The following CNTNAP3B variants were observed in gnomAD, a reference collection of about 807,000 sequenced individuals.
The protein encoded by CNTNAP3B is contactin-associated protein-like 3B.
CNTNAP3B carries 25 observed loss-of-function variants against 108.9 expected under a neutral mutation model. The ratio of observed to expected loss-of-function variants is 0.23; its 90% CI spans 0.17 to 0.32. CNTNAP3B has a LOEUF of 0.32. CNTNAP3B is among the 10% of genes least tolerant of loss of function. CNTNAP3B has a pLI of 1.00. For missense variants in CNTNAP3B, 252 were observed against 1,210.4 expected (o/e 0.21, Z 11.75); for synonymous variants, 103 against 473.4 (o/e 0.22, Z 10.16).
chr9:42,113,366 A>G (rs1463534472), intron 1 of CNTNAP3B, among the ~76,000 whole-genome samples: 1 of 138,930 alleles, frequency 7.2e-6, no homozygotes, highest in Non-Finnish European at 1.5e-5. Context: ...GTTAAATTAT[A>G]CTTCTGTGAT....
At chr9:41,935,209 G>T (rs1824119857) in intron 14 of CNTNAP3B, among the ~76,000 whole-genome samples, 1 of 152,282 alleles carries the variant, frequency 6.6e-6, no homozygotes, top group Non-Finnish European at 1.5e-5. Flanking sequence ...TATTCTTACT[G>T]TGCCTGAGGA....
intron 14 of CNTNAP3B, among the ~76,000 whole-genome samples, chr9:41,937,039 G>T (rs1824178508): frequency 6.6e-6 from 1 of 151,246 alleles, no homozygotes; most frequent in African/African-American, 2.4e-5. Context: ...TCAAATTACT[G>T]CTTAGATTAG....
At chr9:42,058,127 CA>C (rs1345335614) in intron 3 of CNTNAP3B, among the ~76,000 whole-genome samples, 1 of 140,944 alleles carries the variant, frequency 7.1e-6, no homozygotes, top group Non-Finnish European at 1.5e-5. Flanking sequence ...ATGGACACTT[CA>C]GTTGATTCCA....
intron 3 of CNTNAP3B, among the ~76,000 whole-genome samples, chr9:42,018,647 G>C (rs1043969935): frequency 6.6e-6 from 1 of 151,634 alleles, no homozygotes; most frequent in African/African-American, 2.4e-5. Context: ...GTGAGGCCAC[G>C]GCTCCAGCAG....
rs1412694487 is a variant in CNTNAP3B at position 42,116,327 on chromosome 9, G to A, written c.86-11588C>T. ...CCATCAGACTAACAGCGGATCTCTC[G>A]GCAGAAACTCTACAAGCCAGAAGAG... On this transcript the variant is annotated intron_variant, in intron 1 of 23. Transcript: ENST00000377561. Among the ~76,000 whole-genome samples, 44 of 129,096 alleles carry A rather than the reference G, an allele frequency of 3.4e-4. 8 individuals are homozygous for A. Among genetic ancestry groups the A allele is most frequent in the African/African-American group, 9.3e-4 (29 of 31,336 alleles). The allele number at this position is 129,096 out of a possible 152,430, so 84.7% of individuals were successfully genotyped here. A position where few individuals can be genotyped will look rare whatever the true frequency, so the allele number is the denominator to read the frequency against.
intron 3 of CNTNAP3B, among the ~76,000 whole-genome samples, chr9:42,029,532 C>CTT (rs1190604260): frequency 5.2e-5 from 6 of 114,488 alleles, no homozygotes; most frequent in Admixed American, 1.7e-4. Flanking sequence ...CATATACATT[C>CTT]TTTTTTTTTT....
chr9:41,956,161 C>A (rs201044602), intron 12 of CNTNAP3B, among the ~76,000 whole-genome samples: 2 of 152,160 alleles, frequency 1.3e-5, no homozygotes, highest in East Asian at 3.9e-4. Flanking sequence ...CCGAGGCAGG[C>A]GGATTACGAG....
rs1278961832 is a variant in CNTNAP3B at position 42,117,574 on chromosome 9, G to A, written c.85+11436C>T. ...ACTAAATGCCCACAAAAGAAAGCAG[G>A]AAAGATCTAAAATTGACACCCTAAC... On this transcript the variant is annotated intron_variant, in intron 1 of 23. Transcript: ENST00000377561. Among the ~76,000 whole-genome samples the A allele has an allele frequency of 5.0e-5, 7 of 139,244 alleles. 2 individuals are homozygous for A. Among genetic ancestry groups the A allele is most frequent in the African/African-American group, 1.1e-4 (4 of 35,134 alleles). The allele number at this position is 139,244 out of a possible 152,430, so 91.3% of individuals were successfully genotyped here. A position where few individuals can be genotyped will look rare whatever the true frequency, so the allele number is the denominator to read the frequency against.
intron 2 of CNTNAP3B, among the ~76,000 whole-genome samples, chr9:42,078,561 C>A (rs1477531786): frequency 7.3e-6 from 1 of 137,804 alleles, no homozygotes; most frequent in Non-Finnish European, 1.6e-5. Context: ...ATCTAGTAGA[C>A]AAGATGGAAA....
At chr9:41,942,068 C>T in intron 13 of CNTNAP3B, among the ~76,000 whole-genome samples, 1 of 152,284 alleles carries the variant, frequency 6.6e-6, no homozygotes, top group Non-Finnish European at 1.5e-5. Flanking sequence ...CAGAACCAGC[C>T]CCCTCTACCC....
chr9:41,972,507 T>G (rs1825438811), intron 9 of CNTNAP3B, among the ~76,000 whole-genome samples: 1 of 138,226 alleles, frequency 7.2e-6, no homozygotes, highest in Non-Finnish European at 1.5e-5. Context: ...GATTTCCATT[T>G]TAATAACTGA....
intron 11 of CNTNAP3B, among the ~76,000 whole-genome samples, chr9:41,963,728 G>C (rs1390594628): frequency 1.3e-5 from 2 of 151,316 alleles, no homozygotes; most frequent in Admixed American, 6.6e-5. Flanking sequence ...CACCAATCAG[G>C]CATCCTGGAG....
intron 12 of CNTNAP3B, among the ~76,000 whole-genome samples, chr9:41,958,226 G>A (rs188242629): frequency 1.3e-5 from 2 of 152,284 alleles, no homozygotes; most frequent in East Asian, 1.9e-4. Flanking sequence ...TCCCACCTCA[G>A]CCTCCCAAGT....
chr9:41,927,595 G>T (rs1288990718), intron 15 of CNTNAP3B, among the ~76,000 whole-genome samples: 1 of 150,648 alleles, frequency 6.6e-6, no homozygotes, highest in Non-Finnish European at 1.5e-5. Flanking sequence ...GATGGAGGAA[G>T]GAAATTAAGA....
At position 42,116,707 on chromosome 9, in the gene CNTNAP3B, C is replaced by T. The variant is rs1395286044; in HGVS notation, c.86-11968G>A. Reference sequence around the variant, plus strand: ...TTAAATGTAAATAGGCTAAATCCTCCAATTAAAAGACACAGAGTGGCAAAT... The same window carrying T: ...TTAAATGTAAATAGGCTAAATCCTCTAATTAAAAGACACAGAGTGGCAAAT... On this transcript the variant is annotated intron_variant, in intron 1 of 23. Transcript: ENST00000377561. Among the ~76,000 whole-genome samples the T allele has an allele frequency of 1.1e-4, 15 of 139,616 alleles. 4 individuals are homozygous for T. Among genetic ancestry groups the T allele is most frequent in the Admixed American group, 1.1e-3 (15 of 14,020 alleles). The allele number at this position is 139,616 out of a possible 152,430, so 91.6% of individuals were successfully genotyped here. A position where few individuals can be genotyped will look rare whatever the true frequency, so the allele number is the denominator to read the frequency against.
chr9:42,111,491 G>A lies in CNTNAP3B; in HGVS notation c.86-6752C>T, dbSNP rs1403613522. Among the ~76,000 whole-genome samples the A allele has an allele frequency of 3.6e-5, 5 of 138,492 alleles. 1 individual carries two copies. The highest frequency in any genetic ancestry group is 7.7e-5 in the Non-Finnish European group (5 of 64,750). 90.9% of individuals were successfully genotyped at this position (138,492 alleles called of 152,430 possible). ...TAAGCTGGTAAACGGTATGCCTGAA[G>A]CTAAGGCATAGACAGAGCTGCCCAA... On this transcript the variant is annotated intron_variant, in intron 1 of 23. Transcript: ENST00000377561.
chr9:41,955,012 G>GT (rs1313053503), intron 12 of CNTNAP3B, among the ~76,000 whole-genome samples: 1 of 151,214 alleles, frequency 6.6e-6, no homozygotes, highest in Non-Finnish European at 1.5e-5. Context: ...ACAACCTGGT[G>GT]TTACTCTGTG....
intron 13 of CNTNAP3B, among the ~76,000 whole-genome samples, chr9:41,945,962 G>T (rs878931384): frequency 6.6e-6 from 1 of 152,252 alleles, no homozygotes; most frequent in Non-Finnish European, 1.5e-5. Context: ...AAAGCCAACT[G>T]CAGAGCAAGG....
chr9:42,086,463 C>A (rs1281691568), intron 2 of CNTNAP3B, among the ~76,000 whole-genome samples: 2 of 136,318 alleles, frequency 1.5e-5, no homozygotes, highest in Non-Finnish European at 1.6e-5. Context: ...TTACATTTTA[C>A]AACAGGCGGA....
Sources: allele counts gnomAD v4.1 joint callset (sites outside exome capture counted in the v4.1 genomes callset), GRCh38; gene constraint gnomAD v4.1.1; transcripts MANE v1.5; gene names NCBI Gene and HGNC (gene_info 2026-07-23, HGNC 2026-07-21).